CCIN: variants seen among roughly 807,000 people sequenced by gnomAD.
The protein encoded by CCIN is testis tissue sperm-binding protein Li 65n.
A neutral mutation model predicts 32.2 loss-of-function variants in CCIN; 15 were observed. The ratio of observed to expected loss-of-function variants is 0.47; its 90% confidence interval spans 0.31 to 0.72. The LOEUF is 0.72. Among genes scored for constraint, CCIN ranks in the 30% least tolerant of loss-of-function variants. CCIN has a pLI of 0.05. For synonymous variants in CCIN, 302 were observed against 297.4 expected, an observed-to-expected ratio of 1.02 and a Z score of -0.16; for missense variants, 623 against 759.4, an observed-to-expected ratio of 0.82 and a Z score of 2.11.
rs746498932 is a variant in CCIN, at chr9:36,170,239, C to T, written c.737C>T (p.Thr246Ile). The T allele has an allele frequency of 5.0e-6, 8 of 1,614,164 alleles. No homozygotes were observed. In the Admixed American group the frequency reaches 1.0e-4, roughly 20 times the overall value. Residue 246 changes from threonine (T) to isoleucine (I), a missense_variant, in exon 1 of 1, where the codon ACC becomes ATC. Physicochemically the swap from Thr to Ile is moderately conservative, Grantham distance 89 (BLOSUM62 -1). Transcript: ENST00000335119. Reference protein sequence around the residue: ...ASNKLVGMENTSSHTTLIESV... With the variant: ...ASNKLVGMENISSHTTLIESV... ...AACAAGCTGGTGGGCATGGAGAACACCTCATCCCATACAACCCTGATTGAG... is the reference window on the plus strand; with the variant it reads ...AACAAGCTGGTGGGCATGGAGAACATCTCATCCCATACAACCCTGATTGAG...
rs142761426 is a variant in CCIN, at chr9:36,170,563, C to A, written c.1061C>A (p.Ser354Tyr). 3.4e-4 allele frequency: 547 copies of A among 1,614,102 alleles called. 1 individual carries two copies. Among genetic ancestry groups the A allele is most frequent in the Admixed American group, 1.2e-3 (74 of 60,008 alleles). The part of the protein sequence containing the change: ...TAWRYDMDDN[S>Y]WTKLPDLPIG... ...TGGCGGTATGACATGGATGACAACT[C>A]CTGGACCAAGTTGCCTGACCTGCCC... The change falls in exon 1 of 1, where the codon TCC becomes TAC. Residue 354 changes from serine (S) to tyrosine (Y), a missense_variant. Coordinates refer to ENST00000335119, the MANE Select transcript of CCIN (RefSeq NM_005893.3).
Position 36,171,173 on chromosome 9 carries a change from A to G in CCIN, c.1671A>G (p.Thr557=). The G allele has an allele frequency of 2.5e-6, 4 of 1,614,218 alleles. No homozygotes were observed. The highest frequency in any genetic ancestry group is 3.4e-6 in the Non-Finnish European group (4 of 1,180,044). Residue 557 remains threonine (T), a synonymous_variant, in exon 1 of 1, where the codon ACA becomes ACG. Coordinates refer to ENST00000335119, the MANE Select transcript of CCIN (RefSeq NM_005893.3). ...NPNAFLLDQK[T]GKWKTLAPPP... is the part of the protein sequence containing the mutation. ...ATGCCTTCTTGCTGGACCAAAAGAC[A>G]GGCAAGTGGAAGACCCTGGCTCCTC...
chr9:36,170,102 A>G lies in CCIN; in HGVS notation c.600A>G (p.Ala200=). 6.2e-7 allele frequency: 1 copy of G among 1,614,212 alleles called. No individual in the cohort carries two copies. The highest frequency in any genetic ancestry group is 8.5e-7 in the Non-Finnish European group (1 of 1,180,046). ...TCAATGAAGACCAGGCGCTCAGCGCACTCATCAATTGGGTGTACTTCCGGA... is the reference window on the plus strand; with the variant it reads ...TCAATGAAGACCAGGCGCTCAGCGCGCTCATCAATTGGGTGTACTTCCGGA... The part of the protein sequence containing the change: ...HVLNEDQALS[A]LINWVYFRKE... Residue 200 remains alanine (A), a synonymous_variant, in exon 1 of 1, where the codon GCA becomes GCG. Transcript: ENST00000335119.
Position 36,170,204 on chromosome 9 carries a change from G to A in CCIN, c.702G>A (p.Val234=). The change falls in exon 1 of 1, where the codon GTG becomes GTA. Residue 234 remains valine, a synonymous_variant. Coordinates refer to ENST00000335119, the MANE Select transcript of CCIN (RefSeq NM_005893.3). ...NLNAVSNKTL[V]FASNKLVGME... ...ATGCTGTCTCCAATAAGACGCTGGTGTTTGCCAGCAACAAGCTGGTGGGCA... is the reference window on the plus strand; with the variant it reads ...ATGCTGTCTCCAATAAGACGCTGGTATTTGCCAGCAACAAGCTGGTGGGCA... The A allele has an allele frequency of 2.5e-6, 4 of 1,614,166 alleles. No individual in the cohort carries two copies. The highest frequency in any genetic ancestry group is 3.4e-6 in the Non-Finnish European group (4 of 1,180,024).
rs774663624 is a variant in CCIN at position 36,170,686 on chromosome 9, G to C, written c.1184G>C (p.Arg395Pro). 3 of 1,614,140 alleles carry C rather than the reference G, an allele frequency of 1.9e-6. No individual in the cohort carries two copies. Among genetic ancestry groups the C allele is most frequent in the Non-Finnish European group, 2.5e-6 (3 of 1,180,066 alleles). The change falls in exon 1 of 1, where the codon CGC becomes CCC. Residue 395 changes from arginine (R) to proline (P), a missense_variant. Arg to Pro is a moderately radical substitution (Grantham distance 103, BLOSUM62 -2). Coordinates refer to ENST00000335119, the MANE Select transcript of CCIN (RefSeq NM_005893.3). ...AGGCGGTATGTCTCCAACATCTATCGCTATGATGAGCGGAAGGAAGTCTGG... is the reference window on the plus strand; with the variant it reads ...AGGCGGTATGTCTCCAACATCTATCCCTATGATGAGCGGAAGGAAGTCTGG... ...APRRYVSNIYRYDERKEVWCL... is the reference protein window; with the variant it reads ...APRRYVSNIYPYDERKEVWCL...
Position 36,171,148 on chromosome 9 carries a change from A to G in CCIN, c.1646A>G (p.Asn549Ser). ...VQTKDYTINP[N>S]AFLLDQKTGK... ...ACAAAGGACTACACCATCAATCCAA[A>G]TGCCTTCTTGCTGGACCAAAAGACA... Residue 549 changes from asparagine to serine, a missense_variant, in exon 1 of 1, where the codon AAT (asparagine) becomes AGT (serine). Transcript: ENST00000335119. The G allele has an allele frequency of 6.2e-7, 1 of 1,614,170 alleles. No homozygotes were observed. Among genetic ancestry groups the G allele is most frequent in the Non-Finnish European group, 8.5e-7 (1 of 1,180,016 alleles).
Position 36,170,091 on chromosome 9 carries a change from G to A in CCIN, c.589G>A (p.Ala197Thr), listed in dbSNP as rs1826288971. ...ENLHVLNEDQALSALINWVYF... is the reference protein window; with the variant it reads ...ENLHVLNEDQTLSALINWVYF... Reference sequence around the variant, plus strand: ...CCTTCACGTGCTCAATGAAGACCAGGCGCTCAGCGCACTCATCAATTGGGT... The same window carrying A: ...CCTTCACGTGCTCAATGAAGACCAGACGCTCAGCGCACTCATCAATTGGGT... The change falls in exon 1 of 1, where the codon GCG becomes ACG. Residue 197 changes from alanine (A) to threonine (T), a missense_variant. Ala to Thr is a moderately conservative substitution (Grantham distance 58, BLOSUM62 0). Transcript: ENST00000335119. 4 of 1,614,086 alleles carry A rather than the reference G, an allele frequency of 2.5e-6. No homozygotes were observed. The highest frequency in any genetic ancestry group is 2.7e-5 in the African/African-American group (2 of 74,944).
At position 36,170,255 on chromosome 9, in the gene CCIN, C is replaced by T. The variant is rs61735207; in HGVS notation, c.753C>T (p.Thr251=). ...TGGAGAACACCTCATCCCATACAAC[C>T]CTGATTGAGAGTGTCCTGATGGACC... ...VGMENTSSHT[T]LIESVLMDRK... is the part of the protein sequence containing the mutation. The change falls in exon 1 of 1, where the codon ACC becomes ACT. Residue 251 remains threonine, a synonymous_variant. Coordinates refer to ENST00000335119, the MANE Select transcript of CCIN (RefSeq NM_005893.3). 3.1e-3 allele frequency: 5,013 copies of T among 1,614,156 alleles called. 14 individuals carry two copies. Among genetic ancestry groups the T allele is most frequent in the Non-Finnish European group, 3.9e-3 (4,645 of 1,180,014 alleles).
Position 36,169,524 on chromosome 9 carries a change from A to C in CCIN, c.22A>C (p.Lys8Gln). Reference protein sequence around the residue: MKLEFTEKNYNSFVLQNL... With the variant: MKLEFTEQNYNSFVLQNL... ...CACCATGAAATTGGAATTCACGGAGAAAAACTACAATAGCTTCGTGCTGCA... is the reference window on the plus strand; with the variant it reads ...CACCATGAAATTGGAATTCACGGAGCAAAACTACAATAGCTTCGTGCTGCA... Residue 8 changes from lysine (K) to glutamine (Q), a missense_variant, in exon 1 of 1, where the codon AAA becomes CAA. Coordinates refer to ENST00000335119, the MANE Select transcript of CCIN (RefSeq NM_005893.3). The C allele has an allele frequency of 6.2e-7, 1 of 1,614,228 alleles. No homozygotes were observed. Among genetic ancestry groups the C allele is most frequent in the Non-Finnish European group, 8.5e-7 (1 of 1,180,032 alleles).
Position 36,169,572 on chromosome 9 carries a change from C to T in CCIN, c.70C>T (p.Arg24Cys), listed in dbSNP as rs368073473. 5.1e-5 allele frequency: 82 copies of T among 1,614,242 alleles called. No homozygotes were observed. The highest frequency in any genetic ancestry group is 3.3e-4 in the Middle Eastern group (2 of 6,062). Reference sequence around the variant, plus strand: ...GCAGAACCTGAACAGACAGAGGAAACGCAAAGAGTACTGGGACATGGCCCT... The same window carrying T: ...GCAGAACCTGAACAGACAGAGGAAATGCAAAGAGTACTGGGACATGGCCCT... ...VLQNLNRQRK[R>C]KEYWDMALSV... Residue 24 changes from arginine to cysteine, a missense_variant, in exon 1 of 1, where the codon CGC (arginine) becomes TGC (cysteine). Coordinates refer to ENST00000335119, the MANE Select transcript of CCIN (RefSeq NM_005893.3).
Position 36,169,943 on chromosome 9 carries a change from G to C in CCIN, c.441G>C (p.Glu147Asp). The C allele has an allele frequency of 3.7e-6, 6 of 1,614,034 alleles. No individual in the cohort carries two copies. Among genetic ancestry groups the C allele is most frequent in the South Asian group, 1.1e-5 (1 of 91,076 alleles). The part of the protein sequence containing the change: ...LFLAELFELK[E>D]VSDVAYSGIR... ...TGGCTGAGCTGTTTGAGCTCAAAGA[G>C]GTATCAGACGTAGCTTACTCTGGCA... is the stretch of plus-strand genomic sequence containing the variant. Residue 147 changes from glutamate to aspartate, a missense_variant, in exon 1 of 1, where the codon GAG (glutamate) becomes GAC (aspartate). Coordinates refer to ENST00000335119, the MANE Select transcript of CCIN (RefSeq NM_005893.3).
Position 36,171,095 on chromosome 9 carries a change from G to A in CCIN, c.1593G>A (p.Gly531=), listed in dbSNP as rs61735202. 42,232 of 1,614,148 alleles carry A rather than the reference G, an allele frequency of 0.026. 684 individuals are homozygous for A. Among genetic ancestry groups the A allele is most frequent in the Non-Finnish European group, 0.028 (32,909 of 1,180,036 alleles). ...SIGDSKVFVC[G]GVTTASDVQT... ...GAGACAGCAAGGTGTTTGTATGTGG[G>A]GGTGTCACCACTGCCAGCGATGTCC... is the stretch of plus-strand genomic sequence containing the variant. Residue 531 remains glycine (G), a synonymous_variant, in exon 1 of 1, where the codon GGG becomes GGA. Transcript: ENST00000335119.
rs1002663010 is a variant in CCIN at position 36,171,069 on chromosome 9, G to A, written c.1567G>A (p.Gly523Arg). 5.6e-6 allele frequency: 9 copies of A among 1,614,180 alleles called. No homozygotes were observed. The highest frequency in any genetic ancestry group is 7.6e-6 in the Non-Finnish European group (9 of 1,180,026). The change falls in exon 1 of 1, where the codon GGA (glycine) becomes AGA (arginine). Residue 523 changes from glycine to arginine, a missense_variant. Gly to Arg is a moderately radical substitution (Grantham distance 125). Transcript: ENST00000335119. ...LDVSHAICSI[G>R]DSKVFVCGGV... ...TGTGTCCCATGCTATATGCTCCATT[G>A]GAGACAGCAAGGTGTTTGTATGTGG...
At position 36,170,744 on chromosome 9, in the gene CCIN, T is replaced by C; in HGVS notation, c.1242T>C (p.Asp414=). Residue 414 remains aspartate (D), a synonymous_variant, in exon 1 of 1, where the codon GAT becomes GAC. Coordinates refer to ENST00000335119, the MANE Select transcript of CCIN (RefSeq NM_005893.3). ...CLAGKMSIPM[D]GTAVITKGDR... Reference sequence around the variant, plus strand: ...CAGGAAAGATGAGCATCCCCATGGATGGCACCGCCGTGATCACTAAAGGAG... The same window carrying C: ...CAGGAAAGATGAGCATCCCCATGGACGGCACCGCCGTGATCACTAAAGGAG... The C allele has an allele frequency of 3.7e-6, 6 of 1,614,288 alleles. No individual in the cohort carries two copies. The highest frequency in any genetic ancestry group is 5.1e-6 in the Non-Finnish European group (6 of 1,180,052).
rs766649225 is a variant in CCIN, at chr9:36,171,195, C to T, written c.1693C>T (p.Pro565Ser). ...QKTGKWKTLA[P>S]PPEALDCPAC... is the part of the protein sequence containing the mutation. ...GACAGGCAAGTGGAAGACCCTGGCT[C>T]CTCCACCAGAGGCACTGGACTGTCC... The change falls in exon 1 of 1, where the codon CCT (proline) becomes TCT (serine). Residue 565 changes from proline (P) to serine (S), a missense_variant. By Grantham distance (74) the Pro-to-Ser change is moderately conservative. Coordinates refer to ENST00000335119, the MANE Select transcript of CCIN (RefSeq NM_005893.3). 10 of 1,614,068 alleles carry T rather than the reference C, an allele frequency of 6.2e-6. No homozygotes were observed. In the East Asian group the frequency reaches 1.8e-4, roughly 29 times the overall value.
Position 36,170,479 on chromosome 9 carries a change from G to T in CCIN, c.977G>T (p.Gly326Val). 6.2e-7 allele frequency: 1 copy of T among 1,614,136 alleles called. No individual in the cohort carries two copies. The highest frequency in any genetic ancestry group is 8.5e-7 in the Non-Finnish European group (1 of 1,180,046). ...RAAALSATSA[G>V]RYIYISGGTT... ...GCAGCACTTAGTGCCACCTCTGCTG[G>T]TCGCTACATCTACATCTCTGGTGGC... The change falls in exon 1 of 1, where the codon GGT (glycine) becomes GTT (valine). Residue 326 changes from glycine to valine, a missense_variant. Transcript: ENST00000335119.
Position 36,169,429 on chromosome 9 carries a change from T to A in CCIN, c.-74T>A, listed in dbSNP as rs188541044. On this transcript the variant is annotated 5_prime_UTR_variant, in exon 1 of 1. Transcript: ENST00000335119. ...CAACCGCTCTGCAAACAACCATCAA[T>A]CTGATCCCACAGGCCTGAGAAAGTC... 6.0e-5 allele frequency: 87 copies of A among 1,444,404 alleles called. No individual in the cohort carries two copies. Among genetic ancestry groups the A allele is most frequent in the Non-Finnish European group, 8.3e-5 (86 of 1,037,356 alleles). 89.5% of individuals were successfully genotyped at this position (1,444,404 alleles called of 1,614,324 possible).
chr9:36,171,142 A>G lies in CCIN; in HGVS notation c.1640A>G (p.Asn547Ser), dbSNP rs534048769. ...GTCCAGACAAAGGACTACACCATCA[A>G]TCCAAATGCCTTCTTGCTGGACCAA... ...SDVQTKDYTI[N>S]PNAFLLDQKT... The change falls in exon 1 of 1, where the codon AAT becomes AGT. Residue 547 changes from asparagine to serine, a missense_variant. By Grantham distance (46) the Asn-to-Ser change is conservative (BLOSUM62 1). Transcript: ENST00000335119. 3.7e-6 allele frequency: 6 copies of G among 1,614,206 alleles called. No individual in the cohort carries two copies. Among genetic ancestry groups the G allele is most frequent in the South Asian group, 1.1e-5 (1 of 91,080 alleles).
Position 36,170,888 on chromosome 9 carries a change from C to T in CCIN, c.1386C>T (p.Pro462=). The T allele has an allele frequency of 1.9e-6, 3 of 1,614,238 alleles. No individual in the cohort carries two copies. The highest frequency in any genetic ancestry group is 4.5e-5 in the East Asian group (2 of 44,884). ...TGDVVQCITF[P]IEFNHRPLLS... Reference sequence around the variant, plus strand: ...ACGTGGTCCAGTGTATCACCTTCCCCATTGAGTTCAACCATCGGCCCCTGC... The same window carrying T: ...ACGTGGTCCAGTGTATCACCTTCCCTATTGAGTTCAACCATCGGCCCCTGC... Residue 462 remains proline, a synonymous_variant, in exon 1 of 1, where the codon CCC becomes CCT. Coordinates refer to ENST00000335119, the MANE Select transcript of CCIN (RefSeq NM_005893.3).
Sources: allele counts gnomAD v4.1 joint callset, GRCh38; gene constraint gnomAD v4.1.1; transcripts MANE v1.5; gene names NCBI Gene and HGNC (gene_info 2026-07-23, HGNC 2026-07-21).